FAM151B: variants seen among roughly 807,000 people sequenced by gnomAD.
The protein encoded by FAM151B is protein FAM151B.
Under a neutral mutation model 31.2 loss-of-function variants are expected in FAM151B, and 24 were observed. The observed-to-expected ratio is 0.77, with a 90% CI of 0.56 to 1.08. FAM151B has a LOEUF of 1.08. Ranked by LOEUF, FAM151B falls within the 50% of genes least tolerant of loss-of-function variation. The pLI, the probability that FAM151B is intolerant of heterozygous loss-of-function variation, is 0.00. For synonymous variants in FAM151B, 105 were observed against 111.4 expected (o/e 0.94, Z 0.36); for missense variants, 293 against 328.6 (o/e 0.89, Z 0.84).
intron 5 of FAM151B, among the ~76,000 whole-genome samples, chr5:80,538,446 T>TTCTCTCTCTCTCTCTCTC (rs200507737): frequency 2.1e-5 from 1 of 48,486 alleles, no homozygotes; most frequent in African/African-American, 9.4e-5. Flanking sequence ...CTTTCTTTCT[T>TTCTCTCTCTCTCTCTCTC]TCTCTTTCTT....
chr5:80,494,515 T>C (rs1253123869), intron 1 of FAM151B, among the ~76,000 whole-genome samples: 2 of 148,248 alleles, frequency 1.3e-5, no homozygotes, highest in Non-Finnish European at 3.0e-5. Flanking sequence ...TTTCTTTCTT[T>C]CTTTCTTTCT....
At chr5:80,497,002 G>A (rs1743566106) in intron 1 of FAM151B, among the ~76,000 whole-genome samples, 1 of 151,478 alleles carries the variant, frequency 6.6e-6, no homozygotes, top group African/African-American at 2.4e-5. Context: ...GTAGAGAAGG[G>A]GTTTCAACAT....
At chr5:80,502,776 A>G (rs1013697901) in intron 2 of FAM151B, among the ~76,000 whole-genome samples, 3 of 152,214 alleles carry the variant, frequency 2.0e-5, no homozygotes, top group African/African-American at 7.2e-5. Context: ...TTCATTATAT[A>G]TCTCAGCTTC....
chr5:80,494,464 C>CTTTCTTTCTTTCTTTCTTTCTTTCTTTA (rs1743442213), intron 1 of FAM151B, among the ~76,000 whole-genome samples: 3 of 45,378 alleles, frequency 6.6e-5, no homozygotes, highest in African/African-American at 1.7e-4. Context: ...TCTTTTCTTT[C>CTTTCTTTCTTTCTTTCTTTCTTTCTTTA]TTTCTTTCTT....
intron 5 of FAM151B, among the ~76,000 whole-genome samples, chr5:80,525,964 G>A (rs956187650): frequency 8.6e-5 from 13 of 151,884 alleles, no homozygotes; most frequent in Admixed American, 7.2e-4. Context: ...TATACTAGGT[G>A]TGTATATATA....
chr5:80,501,940 A>G (rs375436982), intron 2 of FAM151B, 23 bp downstream of exon 2: 4 of 1,536,664 alleles, frequency 2.6e-6, no homozygotes, highest in African/African-American at 1.4e-5. Context: ...AGTTACTTGT[A>G]ATTTACTTTG....
chr5:80,494,431 G>T (rs58474986), intron 1 of FAM151B, among the ~76,000 whole-genome samples: 7 of 147,080 alleles, frequency 4.8e-5, no homozygotes, highest in African/African-American at 1.0e-4. Flanking sequence ...CTTTCTTTCT[G>T]TCTTTCTTTC....
intron 2 of FAM151B, among the ~76,000 whole-genome samples, chr5:80,504,709 G>A (rs546071455): frequency 7.4e-4 from 113 of 151,722 alleles, no homozygotes; most frequent in African/African-American, 2.7e-3. Flanking sequence ...TAGTAGAGAT[G>A]GGGTTTCACC....
At chr5:80,493,841 C>T (rs957080462) in intron 1 of FAM151B, among the ~76,000 whole-genome samples, 2 of 152,122 alleles carry the variant, frequency 1.3e-5, no homozygotes, top group Non-Finnish European at 2.9e-5. Context: ...TTTTGCCTTG[C>T]CTTGTGATCT....
At position 80,541,794 on chromosome 5, in the gene FAM151B, G is replaced by T. The variant is rs142754508; in HGVS notation, c.793G>T (p.Glu265Ter). 24 of 1,613,364 alleles carry T rather than the reference G, an allele frequency of 1.5e-5. No homozygotes were observed. In the African/African-American group the frequency reaches 2.5e-4, roughly 17 times the overall value. The change falls in exon 6 of 6, where the codon GAA becomes TAA. Residue 265 changes from glutamate to a stop codon, truncating the protein, a stop_gained. Coordinates refer to ENST00000282226, the MANE Select transcript of FAM151B (RefSeq NM_205548.3). LOFTEE classifies it high-confidence loss of function. ...FYDILEPQNH[E>*]FKQAIGIKVN... ...TGACATCTTGGAACCACAAAACCAT[G>T]AATTTAAACAAGCCATTGGAATCAA... is the stretch of plus-strand genomic sequence containing the variant.
intron 1 of FAM151B, among the ~76,000 whole-genome samples, chr5:80,492,384 C>T (rs898660522): frequency 9.9e-5 from 15 of 152,054 alleles, no homozygotes; most frequent in African/African-American, 3.4e-4. Flanking sequence ...TTTGGGGCAC[C>T]ACAAAGTCAA....
At chr5:80,494,440 T>C (rs1743427810) in intron 1 of FAM151B, among the ~76,000 whole-genome samples, 1 of 52,714 alleles carries the variant, frequency 1.9e-5, no homozygotes, top group Non-Finnish European at 5.6e-5. Flanking sequence ...TGTCTTTCTT[T>C]CTTTTTCTTT....
intron 5 of FAM151B, among the ~76,000 whole-genome samples, chr5:80,538,462 CTTT>C (rs1745674404): frequency 9.2e-6 from 1 of 108,960 alleles, no homozygotes; most frequent in African/African-American, 3.7e-5. Context: ...TTCTTTCTTT[CTTT>C]CTTTCTTTCT....
intron 4 of FAM151B, 44 bp downstream of exon 4, chr5:80,519,954 C>G (rs1327055117): frequency 6.5e-7 from 1 of 1,536,508 alleles, no homozygotes; most frequent in South Asian, 1.1e-5. Context: ...TTAAAATATC[C>G]TCCAGGTATA....
intron 4 of FAM151B, among the ~76,000 whole-genome samples, chr5:80,521,331 G>T (rs1162312012): frequency 6.6e-6 from 1 of 151,020 alleles, no homozygotes; most frequent in Admixed American, 6.6e-5. Flanking sequence ...TCACTAAGTT[G>T]CCCAGGCTGG....
At chr5:80,504,514 C>CTTTT (rs11340979) in intron 2 of FAM151B, among the ~76,000 whole-genome samples, 17 of 58,732 alleles carry the variant, frequency 2.9e-4, no homozygotes, top group African/African-American at 3.4e-4. Flanking sequence ...GACTATTACT[C>CTTTT]TTTTTTTTTT....
At position 80,488,153 on chromosome 5, in the gene FAM151B, G is replaced by T. The variant is rs998811421; in HGVS notation, c.25+5G>T. 1.3e-5 allele frequency: 20 copies of T among 1,541,334 alleles called. No individual in the cohort carries two copies. The highest frequency in any genetic ancestry group is 1.4e-5 in the African/African-American group (1 of 72,494). ...CAGCATCCGCTGGAGGCCCAGGTAA[G>T]CGCCGAGCGCGCGGCCTCTGCCTGG... On this transcript the variant is annotated splice_donor_5th_base_variant and intron_variant, in intron 1 of 5. Coordinates refer to ENST00000282226, the MANE Select transcript of FAM151B (RefSeq NM_205548.3).
chr5:80,533,749 CAAAAAAAA>C (rs71601590), intron 5 of FAM151B, among the ~76,000 whole-genome samples: 2 of 67,548 alleles, frequency 3.0e-5, no homozygotes, highest in Admixed American at 4.2e-4. Flanking sequence ...GACTCCATCT[CAAAAAAAA>C]AAAAAAAAAA....
chr5:80,500,512 TA>T, intron 1 of FAM151B: 1 of 760,274 alleles, frequency 1.3e-6, no homozygotes, highest in South Asian at 1.4e-5. Flanking sequence ...ACAAGGAATA[TA>T]GGCAGATATA....
Sources: gnomAD v4.1 joint callset for allele counts (sites outside exome capture counted in the v4.1 genomes callset) on GRCh38, gnomAD v4.1.1 for gene constraint, MANE v1.5 for transcripts, NCBI Gene and HGNC (gene_info 2026-07-23, HGNC 2026-07-21) for gene names.